The following ADGRE1 variants were observed in gnomAD, a reference collection of about 807,000 sequenced individuals.
ADGRE1 encodes EGF-like module receptor 1.
Under a neutral mutation model 102.7 loss-of-function variants are expected in ADGRE1, and 82 were observed. The ratio of observed to expected loss-of-function variants is 0.80; its 90% CI spans 0.67 to 0.96. The LOEUF (loss-of-function observed/expected upper bound fraction) is 0.96, where lower values mean the gene tolerates loss of function less well. Ranked by LOEUF, ADGRE1 falls within the 40% of genes least tolerant of loss-of-function variation. The pLI is 0.00. For missense variants in ADGRE1, 1,032 were observed against 1,085.3 expected (o/e 0.95, Z 0.69); for synonymous variants, 398 against 399.6 (o/e 1.00, Z 0.05).
At chr19:6,909,413 T>C (rs1385044886) in intron 10 of ADGRE1, among the ~76,000 whole-genome samples, 1 of 152,140 alleles carries the variant, frequency 6.6e-6, no homozygotes, top group Non-Finnish European at 1.5e-5. Context: ...CCTGATCTGG[T>C]CTCTGTCACC....
rs1277590171 is a variant in ADGRE1, at chr19:6,916,268, C to T, written c.1320C>T (p.Ile440=). The change falls in exon 12 of 21, where the codon ATC becomes ATT. Residue 440 remains isoleucine (I), a synonymous_variant. Coordinates refer to ENST00000312053, the MANE Select transcript of ADGRE1 (RefSeq NM_001974.5). ...TTTTAGACATTGAGAGCAAAGTTATCAACAAAGAATGCAGTGAAGAGAATG... is the reference window on the plus strand; with the variant it reads ...TTTTAGACATTGAGAGCAAAGTTATTAACAAAGAATGCAGTGAAGAGAATG... ...TEYLDIESKV[I]NKECSEENVT... is the part of the protein sequence containing the mutation. The T allele has an allele frequency of 3.1e-6, 5 of 1,612,506 alleles. No homozygotes were observed. Among genetic ancestry groups the T allele is most frequent in the Non-Finnish European group, 4.2e-6 (5 of 1,179,102 alleles).
At position 6,929,389 on chromosome 19, in the gene ADGRE1, G is replaced by A. The variant is rs532413163; in HGVS notation, c.2289+1178G>A. ...TGGTTGGACCCAGTGTGACATTTAC[G>A]TAGAGCGCGAGGAAGCTGGCCACCC... is the stretch of plus-strand genomic sequence containing the variant. On this transcript the variant is annotated intron_variant, in intron 17 of 20. Transcript: ENST00000312053. Among the ~76,000 whole-genome samples the A allele has an allele frequency of 1.2e-4, 18 of 152,228 alleles. No homozygotes were observed. In the East Asian group the frequency reaches 2.5e-3, roughly 21 times the overall value.
intron 2 of ADGRE1, among the ~76,000 whole-genome samples, chr19:6,894,781 C>T (rs920845244): frequency 1.3e-5 from 2 of 152,064 alleles, no homozygotes; most frequent in African/African-American, 4.8e-5. Context: ...ATGTTAAATT[C>T]AGAGGAAGAT....
Position 6,897,414 on chromosome 19 carries a change from C to G in ADGRE1, c.395-14C>G. On this transcript the variant is annotated splice_polypyrimidine_tract_variant and intron_variant, in intron 4 of 20. Transcript: ENST00000312053. ...CAATTTCTTATCTGCTCACCCTCTT[C>G]CACTGCTTCTCAGATATCAATGAGT... 1 of 1,594,172 alleles carries G rather than the reference C, an allele frequency of 6.3e-7. No individual in the cohort carries two copies. Among genetic ancestry groups the G allele is most frequent in the African/African-American group, 1.3e-5 (1 of 74,430 alleles).
At chr19:6,914,325 A>G (rs1974301831) in intron 11 of ADGRE1, among the ~76,000 whole-genome samples, 1 of 152,228 alleles carries the variant, frequency 6.6e-6, no homozygotes, top group African/African-American at 2.4e-5. Flanking sequence ...TCCCAGAATA[A>G]AGACAATATA....
chr19:6,896,504 G>C lies in ADGRE1; in HGVS notation c.201G>C (p.Gly67=), dbSNP rs766785602. ...AACAAGGCTTCCTGTCCAGCAATGG[G>C]CAAAATCACTTCAAGGATCCAGGAG... is the stretch of plus-strand genomic sequence containing the variant. The part of the protein sequence containing the change: ...ACKQGFLSSN[G]QNHFKDPGVR... Residue 67 remains glycine, a synonymous_variant, in exon 3 of 21, where the codon GGG becomes GGC. Transcript: ENST00000312053. 1.5e-5 allele frequency: 24 copies of C among 1,614,114 alleles called. No individual in the cohort carries two copies. The highest frequency in any genetic ancestry group is 5.0e-5 in the Admixed American group (3 of 60,026).
intron 10 of ADGRE1, among the ~76,000 whole-genome samples, chr19:6,911,766 CACATAT>C (rs1224890415): frequency 6.9e-5 from 10 of 144,366 alleles, no homozygotes; most frequent in Middle Eastern, 3.5e-3. Flanking sequence ...CACACATACA[CACATAT>C]ACATATGCAT....
intron 12 of ADGRE1, among the ~76,000 whole-genome samples, chr19:6,918,094 C>T (rs760431536): frequency 6.6e-6 from 1 of 152,058 alleles, no homozygotes; most frequent in African/African-American, 2.4e-5. Context: ...GGATGACTCT[C>T]CAGGTTCCAG....
chr19:6,903,719 A>T, intron 6 of ADGRE1, 91 bp from the exon 7 acceptor site: 1 of 1,527,532 alleles, frequency 6.5e-7, no homozygotes, highest in Non-Finnish European at 8.9e-7. Context: ...ACCATTTTCT[A>T]GTGAAACATG....
chr19:6,933,388 T>C (rs1481060072), intron 17 of ADGRE1, among the ~76,000 whole-genome samples: 3 of 147,208 alleles, frequency 2.0e-5, no homozygotes, highest in Admixed American at 2.0e-4. Context: ...GTGAAGACTT[T>C]TTTTTTTTTT....
chr19:6,934,690 C>A (rs926665149), intron 17 of ADGRE1, among the ~76,000 whole-genome samples: 1 of 151,660 alleles, frequency 6.6e-6, no homozygotes, highest in African/African-American at 2.4e-5. Context: ...CTCTGCCTCC[C>A]AGGTTCAGGT....
At chr19:6,904,391 A>G (rs2546140) in intron 8 of ADGRE1, among the ~76,000 whole-genome samples, 55,675 of 151,800 alleles carry the variant, frequency 0.37, 11,945 homozygotes, top group African/African-American at 0.59. Context: ...TGCAGTAGGC[A>G]CTGAAGATTT....
At chr19:6,891,674 G>C (rs1973381061) in intron 2 of ADGRE1, among the ~76,000 whole-genome samples, 1 of 151,974 alleles carries the variant, frequency 6.6e-6, no homozygotes, top group East Asian at 1.9e-4. Context: ...GGCTGGTCTT[G>C]AACTCCTTAG....
At chr19:6,934,410 C>T (rs1017318517) in intron 17 of ADGRE1, among the ~76,000 whole-genome samples, 3 of 139,502 alleles carry the variant, frequency 2.2e-5, no homozygotes, top group Non-Finnish European at 4.5e-5. Context: ...CAGAATTCTT[C>T]TTCTTCTTCT....
Position 6,896,771 on chromosome 19 carries a change from T to TTC in ADGRE1, c.238+230_238+231insTC. ...CTAGTGTTGCTAGCAAACATGATTT[T>TTC]CTTCCTTCCTTCCTTCCTTCCTTGC... On this transcript the variant is annotated intron_variant, in intron 3 of 20. Transcript: ENST00000312053. The TTC allele has an allele frequency of 1.9e-5, 9 of 476,290 alleles. No homozygotes were observed. The South Asian group carries it at 2.3e-4, about 12-fold the overall frequency. 29.5% of individuals were successfully genotyped at this position (476,290 alleles called of 1,614,324 possible).
At position 6,940,024 on chromosome 19, in the gene ADGRE1, G is replaced by C; in HGVS notation, c.2656G>C (p.Gly886Arg). ...LSSMPSASKT[G>R] ...GAGGAAATTCTTTTCTCTCTCACAG[G>C]GTTAAAGTCCTTTCTTGCTTTCAAA... is the stretch of plus-strand genomic sequence containing the variant. The change falls in exon 21 of 21, where the codon GGT (glycine) becomes CGT (arginine). Residue 886 changes from glycine to arginine, a missense_variant and splice_region_variant. Transcript: ENST00000312053. The C allele has an allele frequency of 6.2e-7, 1 of 1,613,814 alleles. No homozygotes were observed. Among genetic ancestry groups the C allele is most frequent in the Non-Finnish European group, 8.5e-7 (1 of 1,179,920 alleles).
chr19:6,888,364 T>C (rs1482862664), intron 1 of ADGRE1, among the ~76,000 whole-genome samples: 1 of 152,342 alleles, frequency 6.6e-6, no homozygotes, highest in Admixed American at 6.5e-5. Context: ...AAGGATGAGA[T>C]AGACCCTTCC....
intron 11 of ADGRE1, among the ~76,000 whole-genome samples, chr19:6,914,444 A>G (rs1436207727): frequency 1.3e-5 from 2 of 152,170 alleles, no homozygotes; most frequent in African/African-American, 4.8e-5. Context: ...CTGCTGCAAG[A>G]CTGATCCTTT....
intron 10 of ADGRE1, among the ~76,000 whole-genome samples, chr19:6,912,942 C>G (rs892941685): frequency 4.6e-5 from 7 of 152,102 alleles, no homozygotes; most frequent in Non-Finnish European, 1.0e-4. Context: ...TGCTTGCTTT[C>G]TTGCTTTCTT....
Sources: allele counts gnomAD v4.1 joint callset (sites outside exome capture counted in the v4.1 genomes callset), GRCh38; gene constraint gnomAD v4.1.1; transcripts MANE v1.5; gene names NCBI Gene and HGNC (gene_info 2026-07-23, HGNC 2026-07-21).